The following ATP11A variants were observed in gnomAD, a reference collection of about 807,000 sequenced individuals.
ATP11A encodes the protein phospholipid-transporting ATPase IH.
ATP11A carries 81 observed loss-of-function variants against 154.4 expected under a neutral mutation model. The observed-to-expected ratio is 0.52, with a 90% CI of 0.44 to 0.63. The LOEUF (loss-of-function observed/expected upper bound fraction) is 0.63, where lower values mean the gene tolerates loss of function less well. ATP11A is among the 30% of genes least tolerant of loss of function. The probability of loss-of-function intolerance (pLI) is 0.00; values close to 1 mark genes in which losing one functional copy is unlikely to be tolerated. For synonymous variants in ATP11A, 623 were observed against 585.9 expected (o/e 1.06, Z -0.91); for missense variants, 1,316 against 1,474.3 (o/e 0.89, Z 1.76).
intron 1 of ATP11A, among the ~76,000 whole-genome samples, chr13:112,718,996 C>T (rs896764079): frequency 1.8e-4 from 28 of 152,066 alleles, no homozygotes; most frequent in Admixed American, 8.5e-4. Flanking sequence ...TGAAATAGGA[C>T]GTAGGGATTG....
chr13:112,832,766 C>T, intron 13 of ATP11A, 94 bp from the exon 14 acceptor site: 1 of 1,489,096 alleles, frequency 6.7e-7, no homozygotes, highest in Admixed American at 2.0e-5. Context: ...GGGACCCCCC[C>T]CACCCCGCTT....
At chr13:112,728,605 G>A (rs1405183495) in intron 1 of ATP11A, among the ~76,000 whole-genome samples, 2 of 126,708 alleles carry the variant, frequency 1.6e-5, no homozygotes, top group East Asian at 2.7e-4. Flanking sequence ...TGGGGGGGCC[G>A]TGAGACCGTG....
chr13:112,777,940 T>C (rs574817997), intron 1 of ATP11A, among the ~76,000 whole-genome samples: 18 of 152,364 alleles, frequency 1.2e-4, no homozygotes, highest in African/African-American at 4.3e-4. Context: ...TATGGCACCC[T>C]GCACGGAGAG....
chr13:112,692,009 C>A (rs546102828), intron 1 of ATP11A, among the ~76,000 whole-genome samples: 9 of 152,108 alleles, frequency 5.9e-5, no homozygotes, highest in Admixed American at 5.9e-4. Flanking sequence ...TGCTCGAGCC[C>A]CCAGTTCAAA....
At chr13:112,789,192 T>C (rs1029125352) in intron 2 of ATP11A, among the ~76,000 whole-genome samples, 3 of 151,712 alleles carry the variant, frequency 2.0e-5, no homozygotes. Context: ...ACCTACTTAA[T>C]TCACACCAGG....
chr13:112,774,401 C>T (rs960121802), intron 1 of ATP11A, among the ~76,000 whole-genome samples: 38 of 152,324 alleles, frequency 2.5e-4, no homozygotes, highest in African/African-American at 9.1e-4. Context: ...GAAGATGTCA[C>T]ACCTGGGCCC....
chr13:112,860,755 A>G (rs1473556477), intron 24 of ATP11A: 1 of 189,486 alleles, frequency 5.3e-6, no homozygotes, highest in Non-Finnish European at 1.1e-5. Flanking sequence ...ATCCTTTAAA[A>G]CCATGTGTGT....
Position 112,875,670 on chromosome 13 carries a change from C to T in ATP11A, c.3162-106C>T, listed in dbSNP as rs568754524. ...TCCGTGGCTTGCCAAGCAACTCTCA[C>T]TGACAAAAGTGTAAACTCCCTGAAC... On this transcript the variant is annotated intron_variant, in intron 27 of 29. Coordinates refer to ENST00000375645, the MANE Select transcript of ATP11A (RefSeq NM_015205.3). The surrounding 1 kb of genome is among the most constrained non-coding windows in gnomAD (Gnocchi z 4.1). 1.5e-6 allele frequency: 2 copies of T among 1,322,732 alleles called. No homozygotes were observed. Among genetic ancestry groups the T allele is most frequent in the African/African-American group, 2.9e-5 (2 of 68,184 alleles). The allele number at this position is 1,322,732 out of a possible 1,614,324, so 81.9% of individuals were successfully genotyped here.
rs570161471 is a variant in ATP11A at position 112,875,589 on chromosome 13, C to G, written c.3162-187C>G. Reference sequence around the variant, plus strand: ...AATTCCTTCTCCCGTTCCTCTTACCCCAGCATTACCGGGAGGTTCAGTGTT... The same window carrying G: ...AATTCCTTCTCCCGTTCCTCTTACCGCAGCATTACCGGGAGGTTCAGTGTT... On this transcript the variant is annotated intron_variant, in intron 27 of 29. Transcript: ENST00000375645. This position sits in a 1 kb window ranked among gnomAD's most constrained non-coding sequence, Gnocchi z 4.1. 6.6e-6 allele frequency among the ~76,000 whole-genome samples: 1 copy of G among 151,938 alleles called. No individual in the cohort carries two copies. Among genetic ancestry groups the G allele is most frequent in the South Asian group, 2.1e-4 (1 of 4,814 alleles).
At chr13:112,757,210 G>A (rs929486402) in intron 1 of ATP11A, among the ~76,000 whole-genome samples, 1 of 152,246 alleles carries the variant, frequency 6.6e-6, no homozygotes, top group Non-Finnish European at 1.5e-5. Context: ...AGGGGCGAGC[G>A]TCTGGGAATA....
intron 1 of ATP11A, among the ~76,000 whole-genome samples, chr13:112,737,834 C>T (rs367950): frequency 0.23 from 34,891 of 151,976 alleles, 5,146 homozygotes; most frequent in African/African-American, 0.42. Context: ...AGTGCTACAG[C>T]GGTCAGCCTG....
chr13:112,742,398 C>T (rs993764528), intron 1 of ATP11A, among the ~76,000 whole-genome samples: 4 of 152,028 alleles, frequency 2.6e-5, no homozygotes, highest in Admixed American at 1.3e-4. Context: ...CCCCTGCGGG[C>T]GCTGGTCTCT....
intron 1 of ATP11A, among the ~76,000 whole-genome samples, chr13:112,692,322 G>C (rs111241890): frequency 1.8e-4 from 27 of 152,294 alleles, no homozygotes; most frequent in African/African-American, 6.5e-4. Context: ...CTAATGTGCA[G>C]CCTCTTTCCA....
At chr13:112,740,143 TC>T (rs1160128590) in intron 1 of ATP11A, among the ~76,000 whole-genome samples, 1 of 103,510 alleles carries the variant, frequency 9.7e-6, no homozygotes, top group Non-Finnish European at 1.9e-5. Context: ...TCTCTCTCTC[TC>T]TCTCTATATA....
chr13:112,849,985 C>T (rs966360277), intron 17 of ATP11A, among the ~76,000 whole-genome samples: 2 of 152,192 alleles, frequency 1.3e-5, no homozygotes, highest in Non-Finnish European at 2.9e-5. Flanking sequence ...GACTCAGGCA[C>T]ACATAGACCC....
chr13:112,866,749 A>G (rs547092563), intron 25 of ATP11A, among the ~76,000 whole-genome samples: 1 of 107,680 alleles, frequency 9.3e-6, no homozygotes, highest in African/African-American at 3.1e-5. Context: ...AAGTCCTGCT[A>G]TGTGTCCTGT....
Position 112,789,747 on chromosome 13 carries a change from T to G in ATP11A, c.162+4490T>G, listed in dbSNP as rs368963740. ...CCGGGTGTCCTGATGTGTAGACCCC[T>G]GTGGAGACCTACTTAATTCACACCG... On this transcript the variant is annotated intron_variant, in intron 2 of 29. Transcript: ENST00000375645. Among the ~76,000 whole-genome samples the G allele has an allele frequency of 4.0e-5, 6 of 151,542 alleles. No homozygotes were observed. In the East Asian group the frequency reaches 1.2e-3, roughly 30 times the overall value.
intron 3 of ATP11A, among the ~76,000 whole-genome samples, chr13:112,805,538 T>C (rs889310491): frequency 9.2e-5 from 14 of 151,962 alleles, no homozygotes; most frequent in African/African-American, 4.8e-5. Flanking sequence ...TAGCTGGGTG[T>C]GGTGGTGCAC....
Position 112,690,552 on chromosome 13 carries a change from C to A in ATP11A, c.39+97C>A. ...CTGTGGCCGGTCCAGCCCCGGGGTC[C>A]CGGGAGGTCTCCGATGTCTGGGACT... On this transcript the variant is annotated intron_variant, in intron 1 of 29. Transcript: ENST00000375645. The surrounding 1 kb of genome is among the most constrained non-coding windows in gnomAD (Gnocchi z 5.6). 1 of 1,175,020 alleles carries A rather than the reference C, an allele frequency of 8.5e-7. No homozygotes were observed. Among genetic ancestry groups the A allele is most frequent in the South Asian group, 3.3e-5 (1 of 29,874 alleles). 72.8% of individuals were successfully genotyped at this position (1,175,020 alleles called of 1,614,324 possible). A position where few individuals can be genotyped will look rare whatever the true frequency, so the allele number is the denominator to read the frequency against.
Sources: allele counts gnomAD v4.1 joint callset (sites outside exome capture counted in the v4.1 genomes callset), GRCh38; gene constraint gnomAD v4.1.1; non-coding constraint Gnocchi (gnomAD v3.1); transcripts MANE v1.5; gene names NCBI Gene and HGNC (gene_info 2026-07-23, HGNC 2026-07-21).